Variants in STARD10 observed in about 807,000 individuals in gnomAD.
STARD10 encodes the protein StAR related lipid transfer domain containing 10, also known as START domain-containing protein 10.
STARD10 carries 24 observed loss-of-function variants against 36.0 expected under a neutral mutation model. The ratio of observed to expected loss-of-function variants is 0.67; its 90% CI spans 0.48 to 0.94. The LOEUF is 0.94. Among genes scored for constraint, STARD10 ranks in the 40% least tolerant of loss-of-function variants. STARD10 has a pLI of 0.00. For synonymous variants in STARD10, 156 were observed against 161.9 expected (o/e 0.96, Z 0.28); for missense variants, 335 against 396.6 (o/e 0.84, Z 1.32).
intron 1 of STARD10, among the ~76,000 whole-genome samples, chr11:72,786,378 G>A (rs978185431): frequency 2.6e-5 from 4 of 151,988 alleles, no homozygotes; most frequent in African/African-American, 9.7e-5. Context: ...GGAAAAAAAA[G>A]GTTCAGCACC....
chr11:72,788,595 G>A (rs569374360), intron 1 of STARD10, among the ~76,000 whole-genome samples: 5 of 149,722 alleles, frequency 3.3e-5, no homozygotes, highest in South Asian at 2.1e-4. Flanking sequence ...TTTAGATGGC[G>A]TCTCACTCTG....
At chr11:72,787,920 C>A (rs774874868) in intron 1 of STARD10, among the ~76,000 whole-genome samples, 2 of 152,226 alleles carry the variant, frequency 1.3e-5, no homozygotes, top group Non-Finnish European at 2.9e-5. Flanking sequence ...AGTGTCCTGA[C>A]TCAGTACAGT....
intron 2 of STARD10, among the ~76,000 whole-genome samples, chr11:72,772,444 T>C (rs1858875306): frequency 6.6e-6 from 1 of 152,192 alleles, no homozygotes; most frequent in Non-Finnish European, 1.5e-5. Context: ...CCTTATGCTC[T>C]TACTCTCAAC....
intron 2 of STARD10, among the ~76,000 whole-genome samples, chr11:72,772,663 A>G (rs946145770): frequency 1.1e-4 from 16 of 150,454 alleles, no homozygotes; most frequent in African/African-American, 3.9e-4. Context: ...CTGTCTGTCT[A>G]TCTCTCTCTC....
intron 1 of STARD10, among the ~76,000 whole-genome samples, chr11:72,791,409 T>C (rs1301154323): frequency 6.6e-6 from 1 of 152,158 alleles, no homozygotes; most frequent in African/African-American, 2.4e-5. Context: ...GTGTCCTTAA[T>C]AGAGTCCTTT....
chr11:72,778,318 C>T (rs1407174839), intron 2 of STARD10, among the ~76,000 whole-genome samples: 3 of 152,210 alleles, frequency 2.0e-5, no homozygotes, highest in African/African-American at 7.2e-5. Context: ...GTTTGTAACA[C>T]AGAGACAAGA....
intron 2 of STARD10, among the ~76,000 whole-genome samples, chr11:72,759,588 T>A (rs1858690215): frequency 6.6e-6 from 1 of 152,178 alleles, no homozygotes; most frequent in Non-Finnish European, 1.5e-5. Flanking sequence ...ACAGCCTCTG[T>A]ATCCAGAGAC....
At chr11:72,759,424 A>G (rs1203423401) in intron 2 of STARD10, 43 bp from the exon 3 acceptor site, 3 of 1,610,724 alleles carry the variant, frequency 1.9e-6, no homozygotes, top group Non-Finnish European at 2.5e-6. Context: ...TATGGGGCTC[A>G]GAGCCTTGGC....
rs1404906430 is a variant in STARD10, at chr11:72,781,725, GCCCGGGAGA to G, written c.-113-440_-113-432del. ...GGGTGCCAGCGCCGCCGCCGCAGCT[GCCCGGGAGA>G]CCCGGGGCCGCGCGGGGGCTCTGGT... On this transcript the variant is annotated intron_variant, in intron 1 of 6. Coordinates refer to ENST00000334805, the MANE Select transcript of STARD10 (RefSeq NM_006645.3). The surrounding 1 kb of genome is among the most constrained non-coding windows in gnomAD (Gnocchi z 4.7). 6.7e-6 allele frequency: 1 copy of G among 148,184 alleles called. No individual in the cohort carries two copies. The highest frequency in any genetic ancestry group is 2.0e-4 in the East Asian group (1 of 5,110). The allele number at this position is 148,184 out of a possible 1,614,324, so 9.2% of individuals were successfully genotyped here. A position where few individuals can be genotyped will look rare whatever the true frequency, so the allele number is the denominator to read the frequency against.
In STARD10 at chr11:72,759,345, G is replaced by A. The variant is rs1357471872; in HGVS notation, c.244C>T (p.Leu82Phe). 3 of 1,613,940 alleles carry A rather than the reference G, an allele frequency of 1.9e-6. No individual in the cohort carries two copies. The highest frequency in any genetic ancestry group is 2.2e-5 in the South Asian group (2 of 91,062). ...MECCDVPAET[L>F]YDVLHDIEYR... ...TCAATGTCGTGTAGGACGTCGTAGAGTGTCTCGGCTGGCACATCACAGCAC... is the reference window on the plus strand; with the variant it reads ...TCAATGTCGTGTAGGACGTCGTAGAATGTCTCGGCTGGCACATCACAGCAC... Residue 82 changes from leucine to phenylalanine, a missense_variant, in exon 3 of 7, where the codon CTC becomes TTC. Physicochemically the swap from Leu to Phe is conservative, Grantham distance 22 (BLOSUM62 0). Transcript: ENST00000334805.
At chr11:72,773,262 C>T (rs1046279467) in intron 2 of STARD10, among the ~76,000 whole-genome samples, 2 of 152,158 alleles carry the variant, frequency 1.3e-5, no homozygotes, top group Non-Finnish European at 2.9e-5. Flanking sequence ...ACCTTGAGAC[C>T]CAGAGACAGG....
At chr11:72,791,851 A>G (rs1236489819) in intron 1 of STARD10, among the ~76,000 whole-genome samples, 1 of 151,644 alleles carries the variant, frequency 6.6e-6, no homozygotes, top group Non-Finnish European at 1.5e-5. Context: ...TATCTTGGAT[A>G]CCTTTTTGTT....
At position 72,755,157 on chromosome 11, in the gene STARD10, C is replaced by T; in HGVS notation, c.631-15G>A. 1.2e-6 allele frequency: 2 copies of T among 1,605,246 alleles called. No individual in the cohort carries two copies. Among genetic ancestry groups the T allele is most frequent in the East Asian group, 2.2e-5 (1 of 44,616 alleles). ...TTCTTCATGGCCTGTGGGCCCGCCG[C>T]CCCGCCGGGTCAGGGGGTGGCTAGG... On this transcript the variant is annotated splice_polypyrimidine_tract_variant and intron_variant, in intron 6 of 6. Coordinates refer to ENST00000334805, the MANE Select transcript of STARD10 (RefSeq NM_006645.3).
chr11:72,755,306 C>CATTTTTTTTTTTTT, intron 6 of STARD10, 164 bp from the exon 7 acceptor site: 1 of 355,968 alleles, frequency 2.8e-6, no homozygotes, highest in Non-Finnish European at 4.8e-6. Flanking sequence ...ATTCTCCATT[C>CATTTTTTTTTTTTT]TTTTTTTTTT....
At chr11:72,767,845 C>T (rs1323016712) in intron 2 of STARD10, among the ~76,000 whole-genome samples, 2 of 152,214 alleles carry the variant, frequency 1.3e-5, no homozygotes, top group African/African-American at 4.8e-5. Flanking sequence ...ATCTGTCAAG[C>T]AGAGATAATC....
rs139261918 is a variant in STARD10 at position 72,771,980 on chromosome 11, G to A, written c.207+8995C>T. Among the ~76,000 whole-genome samples the A allele has an allele frequency of 3.5e-3, 529 of 152,272 alleles. 1 individual carries two copies. The highest frequency in any genetic ancestry group is 0.012 in the African/African-American group (514 of 41,556). ...AGGCAAAAAGCCTCCCAGGGCTTCC[G>A]GGATCACCAGTGGACTGACGCCCCC... On this transcript the variant is annotated intron_variant, in intron 2 of 6. Coordinates refer to ENST00000334805, the MANE Select transcript of STARD10 (RefSeq NM_006645.3).
At chr11:72,785,175 A>C (rs949841763) in intron 1 of STARD10, among the ~76,000 whole-genome samples, 1 of 152,144 alleles carries the variant, frequency 6.6e-6, no homozygotes, top group African/African-American at 2.4e-5. Flanking sequence ...TCCCCACAGC[A>C]GAACTAAAGA....
intron 2 of STARD10, among the ~76,000 whole-genome samples, chr11:72,761,555 G>A (rs1858716548): frequency 2.0e-5 from 3 of 152,082 alleles, no homozygotes; most frequent in African/African-American, 7.2e-5. Flanking sequence ...TCAGGAGTTC[G>A]AGACCAGCCT....
intron 2 of STARD10, among the ~76,000 whole-genome samples, chr11:72,776,928 A>G (rs1189560573): frequency 6.6e-6 from 1 of 152,072 alleles, no homozygotes; most frequent in Admixed American, 6.6e-5. Flanking sequence ...GCTTTTCCCA[A>G]AGGGGAAGGG....
Sources: allele counts gnomAD v4.1 joint callset (sites outside exome capture counted in the v4.1 genomes callset), GRCh38; gene constraint gnomAD v4.1.1; non-coding constraint Gnocchi (gnomAD v3.1); transcripts MANE v1.5; gene names NCBI Gene and HGNC (gene_info 2026-07-23, HGNC 2026-07-21).